The following SEMA3A variants were observed in gnomAD, a reference collection of about 807,000 sequenced individuals.
The protein encoded by SEMA3A is semaphorin-3A.
SEMA3A carries 29 observed loss-of-function variants against 97.9 expected under a neutral mutation model. The ratio of observed to expected loss-of-function variants is 0.30; its 90% confidence interval spans 0.22 to 0.40. The LOEUF is 0.40. Among genes scored for constraint, SEMA3A ranks in the 10% least tolerant of loss-of-function variants. SEMA3A has a pLI of 1.00. For missense variants in SEMA3A, 763 were observed against 951.3 expected (o/e 0.80, Z 2.60); for synonymous variants, 321 against 323.7 (o/e 0.99, Z 0.09).
intron 3 of SEMA3A, among the ~76,000 whole-genome samples, chr7:84,292,269 T>C (rs778216519): frequency 1.3e-5 from 2 of 152,086 alleles, no homozygotes; most frequent in African/African-American, 2.4e-5. Flanking sequence ...GCTGCCTAAT[T>C]GTCAGTGCTT....
chr7:84,129,493 T>G (rs1366385493), intron 2 of SEMA3A, among the ~76,000 whole-genome samples: 1 of 152,088 alleles, frequency 6.6e-6, no homozygotes, highest in African/African-American at 2.4e-5. Flanking sequence ...GAGAGGGAGA[T>G]CTTGAGAGAA....
intron 3 of SEMA3A, among the ~76,000 whole-genome samples, chr7:84,244,747 T>G (rs1043752716): frequency 1.3e-5 from 2 of 152,194 alleles, no homozygotes; most frequent in Non-Finnish European, 2.9e-5. Flanking sequence ...CCATATTTAG[T>G]GCTTCCTTCA....
chr7:84,303,433 G>C (rs1801073916), intron 3 of SEMA3A, among the ~76,000 whole-genome samples: 1 of 151,670 alleles, frequency 6.6e-6, no homozygotes, highest in Non-Finnish European at 1.5e-5. Flanking sequence ...TAAGTGGTTA[G>C]AAAACAGACT....
At chr7:83,984,041 T>G (rs1258806983) in intron 13 of SEMA3A, among the ~76,000 whole-genome samples, 2 of 152,254 alleles carry the variant, frequency 1.3e-5, no homozygotes, top group Non-Finnish European at 2.9e-5. Context: ...TATTTTAAAC[T>G]GATAGATTGT....
intron 1 of SEMA3A, among the ~76,000 whole-genome samples, chr7:84,166,729 G>C (rs1293935576): frequency 6.6e-6 from 1 of 151,420 alleles, no homozygotes; most frequent in African/African-American, 2.4e-5. Context: ...AAAAAAATTA[G>C]CTGGGCGCGG....
intron 2 of SEMA3A, among the ~76,000 whole-genome samples, chr7:84,342,825 C>T (rs548984819): frequency 6.6e-6 from 1 of 152,252 alleles, no homozygotes; most frequent in South Asian, 2.1e-4. Context: ...GGATTTTGTG[C>T]CAGGCCTTGA....
At chr7:84,169,405 G>C (rs983220256) in intron 1 of SEMA3A, among the ~76,000 whole-genome samples, 2 of 150,540 alleles carry the variant, frequency 1.3e-5, no homozygotes, top group Middle Eastern at 3.4e-3. Context: ...GAATAGTGTA[G>C]ATAATCATTT....
chr7:84,335,087 T>C (rs548789780), intron 2 of SEMA3A, among the ~76,000 whole-genome samples: 29 of 152,304 alleles, frequency 1.9e-4, no homozygotes, highest in African/African-American at 7.0e-4. Flanking sequence ...AAATTTTCAA[T>C]TTTTTGAAAT....
At chr7:84,426,223 G>T (rs1804822207) in intron 1 of SEMA3A, among the ~76,000 whole-genome samples, 1 of 151,624 alleles carries the variant, frequency 6.6e-6, no homozygotes. Flanking sequence ...CTAAAAAGCT[G>T]TTGAAGTATA....
chr7:83,969,126 A>G (rs1788826964), intron 15 of SEMA3A, among the ~76,000 whole-genome samples: 1 of 152,056 alleles, frequency 6.6e-6, no homozygotes, highest in Admixed American at 6.6e-5. Flanking sequence ...AACCCTTTCT[A>G]TTGTTGTTCT....
Position 84,179,270 on chromosome 7 carries a change from C to G in SEMA3A, c.112+15205G>C, listed in dbSNP as rs79699111. On this transcript the variant is annotated intron_variant, in intron 1 of 16. Coordinates refer to ENST00000265362, the MANE Select transcript of SEMA3A (RefSeq NM_006080.3). ...TACACAGTCTCTGATCACTGACATACTTGGATTTTCAAAATTGGCTCCCAT... is the reference window on the plus strand; with the variant it reads ...TACACAGTCTCTGATCACTGACATAGTTGGATTTTCAAAATTGGCTCCCAT... Among the ~76,000 whole-genome samples the G allele has an allele frequency of 7.4e-3, 1,127 of 152,232 alleles. 8 individuals are homozygous for G. The highest frequency in any genetic ancestry group is 0.011 in the Non-Finnish European group (765 of 67,992).
At chr7:84,155,365 C>T (rs1264091753) in intron 1 of SEMA3A, among the ~76,000 whole-genome samples, 1 of 152,088 alleles carries the variant, frequency 6.6e-6, no homozygotes, top group African/African-American at 2.4e-5. Context: ...TCTATTTTAG[C>T]TTTCATCAAA....
intron 3 of SEMA3A, among the ~76,000 whole-genome samples, chr7:84,214,070 T>G (rs1798690424): frequency 1.3e-5 from 2 of 152,216 alleles, no homozygotes; most frequent in African/African-American, 4.8e-5. Flanking sequence ...TTGCAATTGA[T>G]TTCATGATAA....
intron 4 of SEMA3A, among the ~76,000 whole-genome samples, chr7:84,078,104 G>A (rs574596441): frequency 5.3e-5 from 8 of 152,014 alleles, no homozygotes; most frequent in South Asian, 2.1e-4. Context: ...TGGAATTTGG[G>A]AATTTATTCT....
At chr7:84,097,881 C>T (rs1456700220) in intron 4 of SEMA3A, among the ~76,000 whole-genome samples, 1 of 151,906 alleles carries the variant, frequency 6.6e-6, no homozygotes, top group African/African-American at 2.4e-5. Flanking sequence ...AAGGATGACC[C>T]TTCACAAAAA....
At chr7:84,257,344 G>A (rs1478024970) in intron 3 of SEMA3A, among the ~76,000 whole-genome samples, 1 of 151,780 alleles carries the variant, frequency 6.6e-6, no homozygotes, top group African/African-American at 2.4e-5. Flanking sequence ...CAGATCTACT[G>A]TAAAGCTGGT....
chr7:84,071,023 C>T (rs2888220), intron 4 of SEMA3A, among the ~76,000 whole-genome samples: 19,196 of 152,066 alleles, frequency 0.13, 1,282 homozygotes, highest in South Asian at 0.15. Context: ...TGCACTTTGA[C>T]CAAAAGAGAT....
At chr7:84,162,261 T>G (rs911507542) in intron 1 of SEMA3A, among the ~76,000 whole-genome samples, 2 of 152,158 alleles carry the variant, frequency 1.3e-5, no homozygotes, top group Admixed American at 1.3e-4. Flanking sequence ...AACAATTGGA[T>G]GTTATTATGC....
At chr7:84,345,343 G>A (rs1234123123) in intron 2 of SEMA3A, among the ~76,000 whole-genome samples, 4 of 152,176 alleles carry the variant, frequency 2.6e-5, no homozygotes, top group African/African-American at 9.7e-5. Context: ...ACTCATTAAG[G>A]TGGTGGTTGC....
Sources: allele counts gnomAD v4.1 joint callset (sites outside exome capture counted in the v4.1 genomes callset), GRCh38; gene constraint gnomAD v4.1.1; transcripts MANE v1.5; gene names NCBI Gene and HGNC (gene_info 2026-07-23, HGNC 2026-07-21).